Variants in PROSER3 observed in about 807,000 individuals in gnomAD.
PROSER3 encodes the protein proline and serine rich 3, also known as proline and serine-rich protein 3.
In PROSER3, 33 loss-of-function variants were observed where a neutral mutation model predicts 50.2. That is an observed-to-expected ratio of 0.66 (90% CI 0.50 to 0.88). The LOEUF is 0.88. Ranked by LOEUF, PROSER3 falls within the 40% of genes least tolerant of loss-of-function variation. PROSER3 has a pLI of 0.00. For missense variants in PROSER3, 623 were observed against 612.7 expected, an observed-to-expected ratio of 1.02 and a Z score of -0.18; for synonymous variants, 266 against 259.3, an observed-to-expected ratio of 1.03 and a Z score of -0.25.
chr19:35,759,966 G>T, exon 3 of PROSER3: 2 of 1,600,748 alleles, frequency 1.2e-6, no homozygotes, highest in Non-Finnish European at 1.7e-6. Flanking sequence ...CACCCTGATT[G>T]ACAGCGGGGA....
downstream of PROSER3, chr19:35,771,093 A>G (rs1971304100): frequency 6.6e-6 from 1 of 151,994 alleles, no homozygotes; most frequent in Non-Finnish European, 1.5e-5. Context: ...GGAGTTTGAG[A>G]CTACCCTGGG....
At chr19:35,766,891 A>T (rs756957808) in exon 8 of PROSER3, 5 of 1,552,890 alleles carry the variant, frequency 3.2e-6, no homozygotes, top group South Asian at 2.4e-5. Context: ...AAGCTTGAAC[A>T]GGCTCAGGGA....
At chr19:35,764,871 C>T in exon 6 of PROSER3, 1 of 1,613,658 alleles carries the variant, frequency 6.2e-7, no homozygotes, top group Admixed American at 1.7e-5. Flanking sequence ...ACACATGGAA[C>T]TCATCCCTGC....
chr19:35,762,041 G>C, exon 4 of PROSER3: 1 of 1,609,340 alleles, frequency 6.2e-7, no homozygotes, highest in South Asian at 1.1e-5. Context: ...GTTCCGCCAG[G>C]CTCAGCCCAC....
exon 9 of PROSER3, chr19:35,768,010 C>T (rs776550937): frequency 2.5e-6 from 4 of 1,588,490 alleles, no homozygotes; most frequent in Non-Finnish European, 3.4e-6. Flanking sequence ...CTGCTGACCA[C>T]GCCCCCTCGG....
At chr19:35,762,106 G>A in exon 4 of PROSER3, 4 of 1,609,698 alleles carry the variant, frequency 2.5e-6, no homozygotes, top group Non-Finnish European at 3.4e-6. Flanking sequence ...TTTGGTGGCT[G>A]CAGTCTGACT....
chr19:35,769,742 T>A (rs1372070550), downstream of PROSER3: 1 of 152,252 alleles, frequency 6.6e-6, no homozygotes, highest in Admixed American at 6.5e-5. Context: ...TTTTATTTTA[T>A]TTTTTGAGAT....
intron 7 of PROSER3, 107 bp downstream of exon 7, chr19:35,765,283 G>A: frequency 7.4e-7 from 1 of 1,347,448 alleles, no homozygotes; most frequent in Non-Finnish European, 1.0e-6. Flanking sequence ...TTCTCCAGCT[G>A]TAAAACAGGG....
In PROSER3 at chr19:35,768,071, G is replaced by T. The variant is rs1971229578; in HGVS notation, c.1219+6G>T. ...GCTGCTGCAGGCTGCAGAAGGTGATGCCCGCGCCCTCCTGGATGTTGGAGG... is the reference window on the plus strand; with the variant it reads ...GCTGCTGCAGGCTGCAGAAGGTGATTCCCGCGCCCTCCTGGATGTTGGAGG... On this transcript the variant is annotated splice_donor_region_variant and intron_variant, in intron 9 of 10. Coordinates refer to ENST00000396908, the Ensembl canonical transcript of PROSER3. 1 of 1,584,120 alleles carries T rather than the reference G, an allele frequency of 6.3e-7. No individual in the cohort carries two copies. The highest frequency in any genetic ancestry group is 1.1e-5 in the South Asian group (1 of 87,862).
At chr19:35,758,325 T>A (rs987420037) in intron 1 of PROSER3, 99 bp downstream of exon 1, 4 of 1,405,686 alleles carry the variant, frequency 2.8e-6, no homozygotes, top group Non-Finnish European at 3.8e-6. Context: ...CTGGAGTCGC[T>A]AGGGCTCCAC....
chr19:35,763,595 C>G (rs1209701566), intron 5 of PROSER3, among the ~76,000 whole-genome samples: 1 of 139,874 alleles, frequency 7.1e-6, no homozygotes, highest in Non-Finnish European at 1.5e-5. Context: ...ACCCCGCCTC[C>G]CAGGTTCACG....
chr19:35,759,788 G>A lies in PROSER3; in HGVS notation c.109-1G>A. 1 of 1,557,998 alleles carries A rather than the reference G, an allele frequency of 6.4e-7. No individual in the cohort carries two copies. Among genetic ancestry groups the A allele is most frequent in the Non-Finnish European group, 8.7e-7 (1 of 1,150,710 alleles). On this transcript the variant is annotated splice_acceptor_variant, in intron 2 of 10. Transcript: ENST00000396908. LOFTEE classifies it high-confidence loss of function. ...CTTCTTGTGCTCTTCCCTGATCTTA[G>A]ACCCTGAGCCCATCCAGGTCTCAGA...
At position 35,768,385 on chromosome 19, in the gene PROSER3, T is replaced by C; in HGVS notation, c.1302-19T>C. On this transcript the variant is annotated intron_variant, in intron 10 of 10. Transcript: ENST00000396908. ...CCTGAGCACATACCCCAGCCTCTGC[T>C]CTCCCGGCCTTTCTCCAGGGAAGCG... is the stretch of plus-strand genomic sequence containing the variant. The C allele has an allele frequency of 6.3e-7, 1 of 1,590,970 alleles. No individual in the cohort carries two copies. The highest frequency in any genetic ancestry group is 8.5e-7 in the Non-Finnish European group (1 of 1,175,066).
intron 7 of PROSER3, among the ~76,000 whole-genome samples, chr19:35,765,642 C>T (rs1375492840): frequency 1.3e-5 from 2 of 152,072 alleles, no homozygotes; most frequent in East Asian, 3.9e-4. Flanking sequence ...ATCCTATAAC[C>T]TCAGCCTCCT....
exon 8 of PROSER3, chr19:35,766,881 A>C (rs1225637930): frequency 1.3e-6 from 2 of 1,552,088 alleles, no homozygotes; most frequent in Admixed American, 3.9e-5. Flanking sequence ...GCAGCGGCGG[A>C]AGCTTGAACA....
rs186315374 is a variant in PROSER3 at position 35,763,661 on chromosome 19, G to A, written c.544-1193G>A. 7.8e-3 allele frequency among the ~76,000 whole-genome samples: 1,185 copies of A among 150,998 alleles called. 11 individuals are homozygous for A. Among genetic ancestry groups the A allele is most frequent in the Admixed American group, 0.033 (505 of 15,174 alleles). ...TGGGACTACAGGTGCCTGCCACCAC[G>A]CCCGGCTAATTTTTTTTTGTATTTT... On this transcript the variant is annotated intron_variant, in intron 5 of 10. Transcript: ENST00000396908.
chr19:35,764,977 T>C, intron 6 of PROSER3, 41 bp downstream of exon 6: 1 of 1,612,894 alleles, frequency 6.2e-7, no homozygotes, highest in Non-Finnish European at 8.5e-7. Context: ...CTACTGCGGC[T>C]CCACGTGGCC....
chr19:35,767,678 C>T, intron 8 of PROSER3: 1 of 1,238,492 alleles, frequency 8.1e-7, no homozygotes, highest in Non-Finnish European at 1.1e-6. Context: ...CCCTGACAGC[C>T]TGGAGGACAC....
chr19:35,758,366 C>G (rs1970839226), intron 1 of PROSER3, 140 bp downstream of exon 1: 4 of 1,193,540 alleles, frequency 3.4e-6, no homozygotes, highest in Non-Finnish European at 4.5e-6. Context: ...CAACATGCTC[C>G]ACAGCCGTTG....
Sources: allele counts gnomAD v4.1 joint callset (sites outside exome capture counted in the v4.1 genomes callset), GRCh38; gene constraint gnomAD v4.1.1; transcripts MANE v1.5; gene names NCBI Gene and HGNC (gene_info 2026-07-23, HGNC 2026-07-21).